SNX18: variants seen among roughly 807,000 people sequenced by gnomAD.
The protein encoded by SNX18 is sorting nexin-18.
A neutral mutation model predicts 48.7 loss-of-function variants in SNX18; 35 were observed. The ratio of observed to expected loss-of-function variants is 0.72; its 90% CI spans 0.55 to 0.95. The LOEUF is 0.95. SNX18 is among the 40% of genes least tolerant of loss of function. The pLI is 0.00. For synonymous variants in SNX18, 492 were observed against 384.7 expected, an observed-to-expected ratio of 1.28 and a Z score of -3.26; for missense variants, 824 against 871.0, an observed-to-expected ratio of 0.95 and a Z score of 0.68.
chr5:54,591,277 T>C, the SNX18 span, among the ~76,000 whole-genome samples: 1 of 152,082 alleles, frequency 6.6e-6, no homozygotes, highest in South Asian at 2.1e-4. Flanking sequence ...CCTCCTGGGT[T>C]CAAGCAATCT....
chr5:54,610,923 CTT>C, the SNX18 span, among the ~76,000 whole-genome samples: 1 of 152,204 alleles, frequency 6.6e-6, no homozygotes, highest in Non-Finnish European at 1.5e-5. Flanking sequence ...TTGTCTGATT[CTT>C]TAGGAAAATA....
chr5:54,609,903 G>C, the SNX18 span, among the ~76,000 whole-genome samples: 1 of 152,020 alleles, frequency 6.6e-6, no homozygotes, highest in Non-Finnish European at 1.5e-5. Context: ...AGCATCATCT[G>C]CTTGGTACTG....
At chr5:54,641,678 G>T in the SNX18 span, among the ~76,000 whole-genome samples, 1 of 152,186 alleles carries the variant, frequency 6.6e-6, no homozygotes, top group Non-Finnish European at 1.5e-5. Flanking sequence ...CCCTTGAGAA[G>T]AATTATTCTG....
chr5:54,573,829 T>C, the SNX18 span, among the ~76,000 whole-genome samples: 456 of 152,318 alleles, frequency 3.0e-3, 1 homozygote, highest in Admixed American at 5.9e-3. Flanking sequence ...GTAGACTCAG[T>C]GCAGCTGTAA....
At chr5:54,573,154 G>A in the SNX18 span, among the ~76,000 whole-genome samples, 4 of 152,006 alleles carry the variant, frequency 2.6e-5, no homozygotes, top group African/African-American at 7.3e-5. Context: ...GCAAAATATA[G>A]TAATTAAGAA....
At chr5:54,605,961 T>C in the SNX18 span, among the ~76,000 whole-genome samples, 2 of 152,184 alleles carry the variant, frequency 1.3e-5, no homozygotes, top group African/African-American at 2.4e-5. Context: ...ACCACGCCCA[T>C]CCTAATTTTG....
rs1350177621 is a variant in SNX18, at chr5:54,543,741, T to G, written c.*309T>G. The G allele has an allele frequency of 1.6e-5, 4 of 257,554 alleles. No individual in the cohort carries two copies. The highest frequency in any genetic ancestry group is 5.5e-5 in the South Asian group (1 of 18,290). 16.0% of individuals were successfully genotyped at this position (257,554 alleles called of 1,614,324 possible). On this transcript the variant is annotated 3_prime_UTR_variant, in exon 2 of 2. Coordinates refer to ENST00000381410, the MANE Select transcript of SNX18 (RefSeq NM_001102575.2). ...GAAGTATGGGTATTTTAGTGCATAC[T>G]TTGTAGACCTCAAAACCCATGAAGG...
chr5:54,608,478 C>T, the SNX18 span, among the ~76,000 whole-genome samples: 4 of 152,118 alleles, frequency 2.6e-5, no homozygotes, highest in Admixed American at 2.0e-4. Flanking sequence ...TCAAGTAATC[C>T]TCCCACCTTG....
At chr5:54,582,795 G>A in the SNX18 span, among the ~76,000 whole-genome samples, 144 of 151,730 alleles carry the variant, frequency 9.5e-4, no homozygotes, top group African/African-American at 3.2e-3. Flanking sequence ...GAATCTGTTC[G>A]GAATTGAAAA....
the SNX18 span, among the ~76,000 whole-genome samples, chr5:54,641,295 A>T: frequency 1.3e-5 from 2 of 152,332 alleles, no homozygotes; most frequent in African/African-American, 4.8e-5. Context: ...TAGATGTTGT[A>T]TTATTACATA....
In SNX18 at chr5:54,541,150, C is replaced by T. The variant is rs189354220; in HGVS notation, c.1622-2029C>T. Among the ~76,000 whole-genome samples the T allele has an allele frequency of 3.5e-4, 54 of 152,240 alleles. 1 individual carries two copies. The East Asian group carries it at 0.01, about 28-fold the overall frequency. On this transcript the variant is annotated intron_variant, in intron 1 of 1. Coordinates refer to ENST00000381410, the MANE Select transcript of SNX18 (RefSeq NM_001102575.2). ...TCAAGCGATTCTCCTGCCCCAACCTCCCGAGTAGCTGGGATTACAGGTGCC... is the reference window on the plus strand; with the variant it reads ...TCAAGCGATTCTCCTGCCCCAACCTTCCGAGTAGCTGGGATTACAGGTGCC...
the SNX18 span, among the ~76,000 whole-genome samples, chr5:54,603,454 G>A: frequency 1.3e-5 from 2 of 151,998 alleles, no homozygotes; most frequent in African/African-American, 2.4e-5. Flanking sequence ...AAGAAGGCTT[G>A]AGAGATTTGA....
chr5:54,635,906 T>G, the SNX18 span, among the ~76,000 whole-genome samples: 2 of 152,194 alleles, frequency 1.3e-5, no homozygotes, highest in Non-Finnish European at 2.9e-5. Context: ...CGGGGAAACC[T>G]ACCTAGAGCA....
the SNX18 span, among the ~76,000 whole-genome samples, chr5:54,598,846 C>T: frequency 6.6e-6 from 1 of 152,164 alleles, no homozygotes; most frequent in Non-Finnish European, 1.5e-5. Context: ...CCTCTCTCAC[C>T]ACTCCTATTC....
the SNX18 span, among the ~76,000 whole-genome samples, chr5:54,594,701 A>T: frequency 2.0e-5 from 3 of 152,190 alleles, no homozygotes; most frequent in African/African-American, 7.2e-5. Context: ...TATTTTAAAA[A>T]TACAATTTCA....
chr5:54,533,045 G>C (rs1043936472), intron 1 of SNX18, among the ~76,000 whole-genome samples: 1 of 152,114 alleles, frequency 6.6e-6, no homozygotes, highest in Non-Finnish European at 1.5e-5. Context: ...GATATTTTCA[G>C]GATGAAATCA....
At chr5:54,623,699 C>G in the SNX18 span, among the ~76,000 whole-genome samples, 1 of 152,318 alleles carries the variant, frequency 6.6e-6, no homozygotes, top group South Asian at 2.1e-4. Context: ...GGGAGCTAGA[C>G]TTCCCCAAAA....
At chr5:54,642,377 G>A in the SNX18 span, among the ~76,000 whole-genome samples, 1 of 150,306 alleles carries the variant, frequency 6.7e-6, no homozygotes, top group Non-Finnish European at 1.5e-5. Context: ...AATTAGTTAT[G>A]TTGGGTTTTT....
chr5:54,633,095 G>C, the SNX18 span, among the ~76,000 whole-genome samples: 1 of 152,004 alleles, frequency 6.6e-6, no homozygotes, highest in African/African-American at 2.4e-5. Context: ...TCTGATATCA[G>C]AATCATTTGG....
Sources: allele counts gnomAD v4.1 joint callset (sites outside exome capture counted in the v4.1 genomes callset), GRCh38; gene constraint gnomAD v4.1.1; transcripts MANE v1.5; gene names NCBI Gene and HGNC (gene_info 2026-07-23, HGNC 2026-07-21).